The following ERC2 variants were observed in gnomAD, a reference collection of about 807,000 sequenced individuals.
ERC2 encodes the protein ELKS/RAB6-interacting/CAST family member 2.
In ERC2, 42 loss-of-function variants were observed where a neutral mutation model predicts 114.8. That is an observed-to-expected ratio of 0.37 (90% CI 0.29 to 0.47). The LOEUF is 0.47. ERC2 is among the 20% of genes least tolerant of loss of function. ERC2 has a pLI of 0.99. For missense variants in ERC2, 939 were observed against 1,150.7 expected (o/e 0.82, Z 2.66); for synonymous variants, 454 against 425.5 (o/e 1.07, Z -0.82).
At chr3:56,427,138 G>C (rs1179215057) in intron 2 of ERC2, among the ~76,000 whole-genome samples, 2 of 151,508 alleles carry the variant, frequency 1.3e-5, no homozygotes, top group African/African-American at 2.4e-5. Context: ...CTCCAGCCTG[G>C]GTCACACAGT....
At chr3:55,886,127 G>A (rs1257692707) in intron 14 of ERC2, among the ~76,000 whole-genome samples, 1 of 152,138 alleles carries the variant, frequency 6.6e-6, no homozygotes, top group African/African-American at 2.4e-5. Context: ...ATAACACACA[G>A]GGAGGAAGAC....
chr3:55,789,409 T>G (rs2069797226), intron 14 of ERC2, among the ~76,000 whole-genome samples: 1 of 152,168 alleles, frequency 6.6e-6, no homozygotes, highest in South Asian at 2.1e-4. Flanking sequence ...TTGCTACTAC[T>G]CCATGAGATT....
intron 14 of ERC2, among the ~76,000 whole-genome samples, chr3:55,813,859 A>G (rs1176664647): frequency 3.3e-5 from 5 of 152,164 alleles, no homozygotes; most frequent in African/African-American, 4.8e-5. Context: ...TTAAAGCCAC[A>G]TTGGCTCATT....
intron 2 of ERC2, among the ~76,000 whole-genome samples, chr3:56,350,753 A>G (rs2058522992): frequency 6.6e-6 from 1 of 152,218 alleles, no homozygotes; most frequent in African/African-American, 2.4e-5. Flanking sequence ...GTACACTAGG[A>G]TCAATAGAAA....
intron 2 of ERC2, among the ~76,000 whole-genome samples, chr3:56,405,882 T>C (rs1237374944): frequency 7.1e-6 from 1 of 140,640 alleles, no homozygotes; most frequent in Non-Finnish European, 1.5e-5. Context: ...TATGAACTTT[T>C]TTTTCTTTTT....
intron 16 of ERC2, among the ~76,000 whole-genome samples, chr3:55,698,102 G>A (rs1402342264): frequency 6.6e-6 from 1 of 151,888 alleles, no homozygotes; most frequent in Non-Finnish European, 1.5e-5. Flanking sequence ...CAAATCAAGA[G>A]CAATATTTTG....
intron 2 of ERC2, among the ~76,000 whole-genome samples, chr3:56,415,129 C>G (rs552756856): frequency 3.9e-4 from 59 of 152,290 alleles, no homozygotes; most frequent in African/African-American, 1.4e-3. Context: ...GTAGCAGAGC[C>G]AGAATTGGAC....
chr3:55,528,218 C>A (rs943046901), intron 17 of ERC2, among the ~76,000 whole-genome samples: 4 of 152,142 alleles, frequency 2.6e-5, no homozygotes, highest in African/African-American at 9.7e-5. Flanking sequence ...AGAAACAAAA[C>A]CCTGCCTAGG....
chr3:56,228,008 G>A (rs1430612278), intron 3 of ERC2, among the ~76,000 whole-genome samples: 1 of 152,106 alleles, frequency 6.6e-6, no homozygotes, highest in African/African-American at 2.4e-5. Context: ...GAGAGAAGAA[G>A]TCAAACACAA....
intron 14 of ERC2, among the ~76,000 whole-genome samples, chr3:55,885,995 C>A (rs906007582): frequency 2.0e-5 from 3 of 152,164 alleles, no homozygotes; most frequent in African/African-American, 7.2e-5. Context: ...GTATACGCTC[C>A]TTTTATAAAC....
At chr3:56,067,185 G>A (rs1202537603) in intron 7 of ERC2, among the ~76,000 whole-genome samples, 5 of 152,158 alleles carry the variant, frequency 3.3e-5, no homozygotes, top group South Asian at 2.1e-4. Context: ...TCCTATTAAC[G>A]AGGATGAAAT....
rs1267284147 is a variant in ERC2, at chr3:55,589,320, A to G, written c.*40-78044T>C. Among the ~76,000 whole-genome samples the G allele has an allele frequency of 4.0e-5, 6 of 151,778 alleles. No individual in the cohort carries two copies. In the East Asian group the frequency reaches 1.2e-3, roughly 29 times the overall value. ...ACCATGTGCTTAGAGCACTCAGCCC[A>G]GTGGTTGGTGCGCAAACGAGCAGCT... is the stretch of plus-strand genomic sequence containing the variant. On this transcript the variant is annotated intron_variant, in intron 17 of 17. Coordinates refer to ENST00000288221, the MANE Select transcript of ERC2 (RefSeq NM_015576.3).
At chr3:55,701,952 A>G (rs1321943282) in intron 15 of ERC2, among the ~76,000 whole-genome samples, 1 of 152,242 alleles carries the variant, frequency 6.6e-6, no homozygotes, top group East Asian at 1.9e-4. Context: ...GACTCGCTCA[A>G]GAATGAAGGA....
At chr3:56,332,132 T>TCA (rs4061142) in intron 2 of ERC2, among the ~76,000 whole-genome samples, 1,529 of 117,524 alleles carry the variant, frequency 0.013, 15 homozygotes, top group African/African-American at 0.036. Context: ...TTCCTATTTT[T>TCA]CACACACACA....
chr3:56,137,685 G>A (rs964180728), intron 6 of ERC2, among the ~76,000 whole-genome samples: 1 of 152,124 alleles, frequency 6.6e-6, no homozygotes, highest in Non-Finnish European at 1.5e-5. Context: ...GCCAGATCTG[G>A]CCCACAAGCC....
At chr3:55,831,912 C>T (rs550779362) in intron 14 of ERC2, among the ~76,000 whole-genome samples, 1 of 152,346 alleles carries the variant, frequency 6.6e-6, no homozygotes, top group African/African-American at 2.4e-5. Context: ...GAATACTGTG[C>T]TTTTCCAACG....
At chr3:56,223,766 T>A (rs2050080060) in intron 3 of ERC2, among the ~76,000 whole-genome samples, 2 of 152,192 alleles carry the variant, frequency 1.3e-5, no homozygotes, top group Non-Finnish European at 2.9e-5. Flanking sequence ...ATCCTTATTC[T>A]CTGAGTGACT....
intron 17 of ERC2, among the ~76,000 whole-genome samples, chr3:55,595,952 C>G (rs2058105699): frequency 6.6e-6 from 1 of 152,166 alleles, no homozygotes; most frequent in Non-Finnish European, 1.5e-5. Context: ...ACACCTCACC[C>G]CATTAAAGAC....
intron 13 of ERC2, among the ~76,000 whole-genome samples, chr3:55,941,308 C>A (rs1269304329): frequency 1.3e-5 from 2 of 152,146 alleles, no homozygotes; most frequent in Non-Finnish European, 2.9e-5. Context: ...TGCCCTGATG[C>A]CCCTTCAGGA....
Sources: allele counts gnomAD v4.1 joint callset (sites outside exome capture counted in the v4.1 genomes callset), GRCh38; gene constraint gnomAD v4.1.1; transcripts MANE v1.5; gene names NCBI Gene and HGNC (gene_info 2026-07-23, HGNC 2026-07-21).